BAG6: variants seen among roughly 807,000 people sequenced by gnomAD.
BAG6 encodes the protein large proline-rich protein BAG6.
Under a neutral mutation model 121.0 loss-of-function variants are expected in BAG6, and 22 were observed. That is an observed-to-expected ratio of 0.18 (90% CI 0.13 to 0.26). BAG6 has a LOEUF of 0.26. Among genes scored for constraint, BAG6 ranks in the 10% least tolerant of loss-of-function variants. BAG6 has a pLI of 1.00. For missense variants in BAG6, 1,233 were observed against 1,537.7 expected (o/e 0.80, Z 3.31); for synonymous variants, 583 against 584.6 (o/e 1.00, Z 0.04).
intron 2 of BAG6, among the ~76,000 whole-genome samples, chr6:31,650,730 A>G (rs1385556389): frequency 6.6e-6 from 1 of 152,106 alleles, no homozygotes; most frequent in Non-Finnish European, 1.5e-5. Context: ...CTTGGGAAGT[A>G]CCAGAGTATT....
At position 31,645,591 on chromosome 6, in the gene BAG6, T is replaced by A. The variant is rs1435926556; in HGVS notation, c.932A>T (p.Glu311Val). Residue 311 changes from glutamate (E) to valine (V), a missense_variant, in exon 9 of 26, where the codon GAG (glutamate) becomes GTG (valine). By Grantham distance (121) the Glu-to-Val change is moderately radical (BLOSUM62 -2). Coordinates refer to ENST00000676615, the MANE Select transcript of BAG6 (RefSeq NM_001387994.1). ...TDYNNNHEGREEDQRLINLVG... is the reference protein window; with the variant it reads ...TDYNNNHEGRVEDQRLINLVG... ...CAAGTTGATCAACCGCTGATCCTCC[T>A]CCCGGCCCTCGTGCTGCGCACAACC... 13 of 1,612,934 alleles carry A rather than the reference T, an allele frequency of 8.1e-6. No homozygotes were observed. Among genetic ancestry groups the A allele is most frequent in the Non-Finnish European group, 1.1e-5 (13 of 1,180,024 alleles).
In BAG6 at chr6:31,646,506, T is replaced by C; in HGVS notation, c.806A>G (p.Glu269Gly). ...TAGCTCCTGGAGCACCTCGACATAC[T>C]CCGCAGGGGAAGGATGGCTGTGGAC... is the stretch of plus-strand genomic sequence containing the variant. ...TNAPNHPSPAEYVEVLQELQR... is the reference protein window; with the variant it reads ...TNAPNHPSPAGYVEVLQELQR... Residue 269 changes from glutamate to glycine, a missense_variant, in exon 8 of 26, where the codon GAG becomes GGG. Glu to Gly is a moderately conservative substitution (Grantham distance 98, BLOSUM62 -2). Transcript: ENST00000676615. 5.6e-6 allele frequency: 9 copies of C among 1,612,568 alleles called. No homozygotes were observed. Among genetic ancestry groups the C allele is most frequent in the Non-Finnish European group, 7.6e-6 (9 of 1,179,908 alleles).
Position 31,644,545 on chromosome 6 carries a change from G to C in BAG6, c.1427C>G (p.Pro476Arg), listed in dbSNP as rs1279491594. 1 of 1,611,562 alleles carries C rather than the reference G, an allele frequency of 6.2e-7. No individual in the cohort carries two copies. Among genetic ancestry groups the C allele is most frequent in the African/African-American group, 1.3e-5 (1 of 74,874 alleles). Reference protein sequence around the residue: ...PSAPTGPLGPPGHGQTLGSTL... With the variant: ...PSAPTGPLGPRGHGQTLGSTL... ...CTTACCCAGGGTTTGGCCATGACCA[G>C]GGGGTCCCAGGGGGCCAGTGGGAGC... The change falls in exon 11 of 26, where the codon CCT (proline) becomes CGT (arginine). Residue 476 changes from proline to arginine, a missense_variant. Transcript: ENST00000676615. This position sits in a 1 kb window ranked among gnomAD's most constrained non-coding sequence, Gnocchi z 4.9.
Position 31,651,650 on chromosome 6 carries a change from T to C in BAG6, c.108+6A>G. ...GGTGTCTTCCAGAACTAGTGAGGTGTCTCACCTGGGCCCCCACAATAAAGG... is the reference window on the plus strand; with the variant it reads ...GGTGTCTTCCAGAACTAGTGAGGTGCCTCACCTGGGCCCCCACAATAAAGG... On this transcript the variant is annotated splice_donor_region_variant and intron_variant, in intron 2 of 25. Transcript: ENST00000676615. The C allele has an allele frequency of 3.1e-6, 5 of 1,612,312 alleles. No individual in the cohort carries two copies. Among genetic ancestry groups the C allele is most frequent in the Non-Finnish European group, 4.2e-6 (5 of 1,179,384 alleles).
chr6:31,640,725 A>G lies in BAG6; in HGVS notation c.2935-21T>C. 6.2e-7 allele frequency: 1 copy of G among 1,612,930 alleles called. No homozygotes were observed. Reference sequence around the variant, plus strand: ...AGTGGCTGTGAAATTAAAGAACACCATACTTCCTCTCAGATCTCTCCAGTT... The same window carrying G: ...AGTGGCTGTGAAATTAAAGAACACCGTACTTCCTCTCAGATCTCTCCAGTT... On this transcript the variant is annotated intron_variant, in intron 21 of 25. Coordinates refer to ENST00000676615, the MANE Select transcript of BAG6 (RefSeq NM_001387994.1). This position sits in a 1 kb window ranked among gnomAD's most constrained non-coding sequence, Gnocchi z 4.2.
intron 14 of BAG6, 37 bp downstream of exon 14, chr6:31,643,853 G>A (rs763100374): frequency 7.5e-6 from 12 of 1,601,670 alleles, no homozygotes; most frequent in African/African-American, 1.3e-5. Flanking sequence ...ACTAGGAAAG[G>A]AGTTTAAACT....
intron 2 of BAG6, among the ~76,000 whole-genome samples, chr6:31,650,725 G>T (rs910117778): frequency 2.6e-5 from 4 of 151,586 alleles, no homozygotes; most frequent in African/African-American, 7.3e-5. Flanking sequence ...TGACTCTTGG[G>T]AAGTACCAGA....
At chr6:31,650,763 T>C (rs1246440080) in intron 2 of BAG6, among the ~76,000 whole-genome samples, 2 of 152,154 alleles carry the variant, frequency 1.3e-5, no homozygotes, top group Admixed American at 1.3e-4. Flanking sequence ...ATCACAAGTC[T>C]ATATATGGCT....
intron 14 of BAG6, 134 bp from the exon 15 acceptor site, chr6:31,643,249 T>A: frequency 2.4e-6 from 2 of 836,564 alleles, no homozygotes; most frequent in African/African-American, 1.8e-5. Flanking sequence ...ACCCCATCTC[T>A]ACCAGAAAAA....
At position 31,640,912 on chromosome 6, in the gene BAG6, G is replaced by C. The variant is rs748959982; in HGVS notation, c.2814C>G (p.Pro938=). Residue 938 remains proline (P), a synonymous_variant, in exon 21 of 26, where the codon CCC becomes CCG. Coordinates refer to ENST00000676615, the MANE Select transcript of BAG6 (RefSeq NM_001387994.1). The surrounding 1 kb of genome is among the most constrained non-coding windows in gnomAD (Gnocchi z 4.2). ...RIRRMSRGVN[P]SLVSWLTTMM... Reference sequence around the variant, plus strand: ...TAGTGGTCAGCCAGCTCACCAAGGAGGGATTCACCCCACGAGACATACGAC... The same window carrying C: ...TAGTGGTCAGCCAGCTCACCAAGGACGGATTCACCCCACGAGACATACGAC... The C allele has an allele frequency of 2.5e-6, 4 of 1,612,628 alleles. No individual in the cohort carries two copies. Among genetic ancestry groups the C allele is most frequent in the East Asian group, 4.5e-5 (2 of 44,894 alleles).
chr6:31,643,146 T>C lies in BAG6; in HGVS notation c.1757-31A>G, dbSNP rs139665716. Reference sequence around the variant, plus strand: ...AGAAACCAAAAAAAGAAAGCTGGGCTGAGCATGGTGGCTCTTGGCTGTAAT... The same window carrying C: ...AGAAACCAAAAAAAGAAAGCTGGGCCGAGCATGGTGGCTCTTGGCTGTAAT... On this transcript the variant is annotated intron_variant, in intron 14 of 25. Coordinates refer to ENST00000676615, the MANE Select transcript of BAG6 (RefSeq NM_001387994.1). The C allele has an allele frequency of 6.4e-4, 973 of 1,526,654 alleles. 8 individuals are homozygous for C. In the African/African-American group the frequency reaches 8.9e-3, roughly 14 times the overall value. The allele number at this position is 1,526,654 out of a possible 1,614,324, so 94.6% of individuals were successfully genotyped here.
At chr6:31,652,049 G>A (rs560372964) in intron 1 of BAG6, 6 of 356,184 alleles carry the variant, frequency 1.7e-5, no homozygotes, top group Non-Finnish European at 3.2e-5. Context: ...GATTAGGAAG[G>A]AAGCACGAGA....
At chr6:31,642,726 A>T in intron 15 of BAG6, 103 bp downstream of exon 15, 1 of 1,350,552 alleles carries the variant, frequency 7.4e-7, no homozygotes, top group Non-Finnish European at 1.0e-6. Context: ...CTAACATGTC[A>T]CTAGGGGCTC....
chr6:31,643,220 G>T, intron 14 of BAG6, 105 bp from the exon 15 acceptor site: 1 of 1,178,248 alleles, frequency 8.5e-7, no homozygotes, highest in Non-Finnish European at 1.2e-6. Context: ...GAGCCCAGGA[G>T]TCTAGGCCAC....
At chr6:31,639,319 T>C (rs554994006) in intron 25 of BAG6, 93 bp from the exon 26 acceptor site, 38 of 1,419,722 alleles carry the variant, frequency 2.7e-5, no homozygotes, top group Admixed American at 5.5e-5. Flanking sequence ...AGCTAACATT[T>C]CCCCCCCCAA....
Position 31,640,684 on chromosome 6 carries a change from C to T in BAG6, c.2955G>A (p.Met985Ile). 1 of 1,613,050 alleles carries T rather than the reference C, an allele frequency of 6.2e-7. No homozygotes were observed. The highest frequency in any genetic ancestry group is 8.5e-7 in the Non-Finnish European group (1 of 1,180,026). Residue 985 changes from methionine (M) to isoleucine (I), a missense_variant, in exon 22 of 26, where the codon ATG becomes ATA. Transcript: ENST00000676615. The surrounding 1 kb of genome is among the most constrained non-coding windows in gnomAD (Gnocchi z 4.2). ...AAGCTCTTTCTGCTCCCTGAACTTC[C>T]ATTGGCTCCTCAGGAAGTGGCTGTG... ...DPPQPLPEEP[M>I]EVQGAERASP...
intron 15 of BAG6, 186 bp downstream of exon 15, chr6:31,642,643 T>A: frequency 1.3e-6 from 1 of 785,100 alleles, no homozygotes. Context: ...CTATACTTTC[T>A]TTTTCTAAAC....
chr6:31,648,797 T>C (rs886915547), intron 5 of BAG6, 46 bp from the exon 6 acceptor site: 1 of 1,610,724 alleles, frequency 6.2e-7, no homozygotes, highest in South Asian at 1.1e-5. Context: ...GATGAAGCCA[T>C]GAGTTCTACC....
rs1253397630 is a variant in BAG6 at position 31,644,930 on chromosome 6, CA to C, written c.1369+15del. ...ATCATGCTGATCCTGCTCTTCTCGC[CA>C]GCAACTATTCTCACCTTGAATGTTC... On this transcript the variant is annotated intron_variant, in intron 10 of 25. Transcript: ENST00000676615. The surrounding 1 kb of genome is among the most constrained non-coding windows in gnomAD (Gnocchi z 4.9). 3 of 1,555,544 alleles carry C rather than the reference CA, an allele frequency of 1.9e-6. No homozygotes were observed. Among genetic ancestry groups the C allele is most frequent in the Non-Finnish European group, 2.6e-6 (3 of 1,149,236 alleles).
Sources: gnomAD v4.1 joint callset for allele counts (sites outside exome capture counted in the v4.1 genomes callset) on GRCh38, gnomAD v4.1.1 for gene constraint, Gnocchi (gnomAD v3.1) non-coding constraint, MANE v1.5 for transcripts, NCBI Gene and HGNC (gene_info 2026-07-23, HGNC 2026-07-21) for gene names.